Variants in IQSEC1 observed in about 807,000 individuals in gnomAD.
IQSEC1 encodes IQ motif and Sec7 domain ArfGEF 1, also known as IQ motif and SEC7 domain-containing protein 1.
Under a neutral mutation model 91.0 loss-of-function variants are expected in IQSEC1, and 31 were observed. The observed-to-expected ratio is 0.34, with a 90% CI of 0.26 to 0.46. IQSEC1 has a LOEUF of 0.46. IQSEC1 is among the 20% of genes least tolerant of loss of function. The probability of loss-of-function intolerance (pLI) is 1.00; values close to 1 mark genes in which losing one functional copy is unlikely to be tolerated. For missense variants in IQSEC1, 1,388 were observed against 1,575.6 expected (o/e 0.88, Z 2.02); for synonymous variants, 699 against 662.6 (o/e 1.05, Z -0.84).
At chr3:13,058,263 A>G (rs1704945730) in intron 1 of IQSEC1, among the ~76,000 whole-genome samples, 1 of 151,958 alleles carries the variant, frequency 6.6e-6, no homozygotes, top group Non-Finnish European at 1.5e-5. Flanking sequence ...ACAGAGGGAG[A>G]CTCTGTCTCA....
At chr3:13,171,826 C>T (rs1171337589) in intron 1 of IQSEC1, among the ~76,000 whole-genome samples, 5 of 152,210 alleles carry the variant, frequency 3.3e-5, no homozygotes, top group Non-Finnish European at 7.3e-5. Context: ...CAGAGAGCTT[C>T]CTGCCCAGGG....
Position 12,901,194 on chromosome 3 carries a change from T to G in IQSEC1, c.3134A>C (p.His1045Pro). Residue 1045 changes from histidine (H) to proline (P), a missense_variant, in exon 14 of 14, where the codon CAC (histidine) becomes CCC (proline). Coordinates refer to ENST00000613206, the MANE Select transcript of IQSEC1 (RefSeq NM_001134382.3). ...QNPPPYHHHH[H>P]HHPPQHIQHA... ...CTGGATGTGCTGGGGTGGGTGGTGG[T>G]GGTGGTGATGGTGGTACGGGGGAGG... The G allele has an allele frequency of 1.3e-6, 2 of 1,540,800 alleles. No individual in the cohort carries two copies. Among genetic ancestry groups the G allele is most frequent in the Non-Finnish European group, 1.8e-6 (2 of 1,141,242 alleles).
At position 12,940,221 on chromosome 3, in the gene IQSEC1, G is replaced by A. The variant is rs748596555; in HGVS notation, c.318+1350C>T. On this transcript the variant is annotated intron_variant, in intron 2 of 13. Transcript: ENST00000613206. This position sits in a 1 kb window ranked among gnomAD's most constrained non-coding sequence, Gnocchi z 4.4. ...CCGGCCTAAGTTGCAAGGCAGCACC[G>A]ACAGCCAGGTGAGGAAGGGGCTGAT... 1.3e-5 allele frequency among the ~76,000 whole-genome samples: 2 copies of A among 151,944 alleles called. No homozygotes were observed. The highest frequency in any genetic ancestry group is 6.6e-5 in the Admixed American group (1 of 15,248).
chr3:13,051,101 C>T (rs1704675335), intron 1 of IQSEC1, among the ~76,000 whole-genome samples: 1 of 152,158 alleles, frequency 6.6e-6, no homozygotes, highest in Admixed American at 6.5e-5. Context: ...TGCATCGCTT[C>T]CCCTGCTTCA....
At chr3:12,989,228 C>T (rs1020062271) in intron 1 of IQSEC1, among the ~76,000 whole-genome samples, 2 of 152,198 alleles carry the variant, frequency 1.3e-5, no homozygotes, top group Non-Finnish European at 2.9e-5. Context: ...CTCTTTTGCT[C>T]CAGTGGTAAC....
In IQSEC1 at chr3:12,911,638, C is replaced by T. The variant is rs774833863; in HGVS notation, c.2407G>A (p.Glu803Lys). 3 of 1,612,682 alleles carry T rather than the reference C, an allele frequency of 1.9e-6. No individual in the cohort carries two copies. The highest frequency in any genetic ancestry group is 1.3e-5 in the African/African-American group (1 of 74,922). ...CTGGGGGCAGACTTACACTGGTTCT[C>T]GAAGAGCAGGACCTGCATGCCGTAC... is the stretch of plus-strand genomic sequence containing the variant. ...SLYGMQVLLFENQYYPNGIRL... is the reference protein window; with the variant it reads ...SLYGMQVLLFKNQYYPNGIRL... Residue 803 changes from glutamate (E) to lysine (K), a missense_variant, in exon 10 of 14, where the codon GAG becomes AAG. Around this residue, in one of 2 missense-constraint regions of IQSEC1, gnomAD observed 1,059 missense variants for 1,317.8 expected, o/e 0.80. Transcript: ENST00000613206.
intron 1 of IQSEC1, among the ~76,000 whole-genome samples, chr3:13,030,545 TG>T (rs1289105304): frequency 6.6e-6 from 1 of 152,162 alleles, no homozygotes; most frequent in East Asian, 1.9e-4. Context: ...GAACTACAGG[TG>T]ACAGAGGAAT....
chr3:13,137,047 G>A (rs1010628863), intron 2 of IQSEC1, among the ~76,000 whole-genome samples: 9 of 152,158 alleles, frequency 5.9e-5, no homozygotes, highest in African/African-American at 7.2e-5. Flanking sequence ...GAGGCAGGAG[G>A]ATCGCTTTAG....
rs966153313 is a variant in IQSEC1, at chr3:12,979,901, C to T, written c.24-38036G>A. Among the ~76,000 whole-genome samples, 1 of 152,078 alleles carries T rather than the reference C, an allele frequency of 6.6e-6. No individual in the cohort carries two copies. Among genetic ancestry groups the T allele is most frequent in the Non-Finnish European group, 1.5e-5 (1 of 68,036 alleles). ...AACAAGGATCTAAGAATCCATTTTG[C>T]GCAACAAGAAACAGCATACTCAAGC... is the stretch of plus-strand genomic sequence containing the variant. On this transcript the variant is annotated intron_variant, in intron 1 of 13. Coordinates refer to ENST00000613206, the MANE Select transcript of IQSEC1 (RefSeq NM_001134382.3). The surrounding 1 kb of genome is among the most constrained non-coding windows in gnomAD (Gnocchi z 4.3).
chr3:13,002,425 T>C (rs879081925), intron 1 of IQSEC1, among the ~76,000 whole-genome samples: 6 of 152,184 alleles, frequency 3.9e-5, no homozygotes, highest in Admixed American at 3.9e-4. Context: ...CTCATGCCTG[T>C]AATCTCAGCA....
chr3:13,127,207 G>A (rs1401913260), intron 2 of IQSEC1, among the ~76,000 whole-genome samples: 1 of 152,160 alleles, frequency 6.6e-6, no homozygotes, highest in Non-Finnish European at 1.5e-5. Context: ...GAGGTCTGGA[G>A]TTCGAGACCA....
chr3:13,078,958 A>T (rs1024640623), intron 2 of IQSEC1, among the ~76,000 whole-genome samples: 4 of 152,244 alleles, frequency 2.6e-5, no homozygotes, highest in African/African-American at 9.6e-5. Context: ...TTCTATCAGT[A>T]TTGTAAATTG....
At chr3:13,022,526 C>T (rs892826499) in intron 1 of IQSEC1, 5 of 934,228 alleles carry the variant, frequency 5.4e-6, no homozygotes, top group Non-Finnish European at 6.4e-6. Context: ...GCTCAGCTGC[C>T]GGAGCCCAGG....
At chr3:13,110,972 A>G (rs1354051639) in intron 2 of IQSEC1, among the ~76,000 whole-genome samples, 1 of 152,214 alleles carries the variant, frequency 6.6e-6, no homozygotes, top group African/African-American at 2.4e-5. Flanking sequence ...ATAAGAAAAA[A>G]CAGGGTGGTT....
Position 12,967,685 on chromosome 3 carries a change from G to T in IQSEC1, c.24-25820C>A. 8.6e-7 allele frequency: 1 copy of T among 1,158,504 alleles called. No individual in the cohort carries two copies. Among genetic ancestry groups the T allele is most frequent in the Non-Finnish European group, 1.1e-6 (1 of 942,330 alleles). The allele number at this position is 1,158,504 out of a possible 1,614,324, so 71.8% of individuals were successfully genotyped here. ...CAAGCCCGCCCCTCCGCCGCCGCCC[G>T]CTTGGCGCAGCGCGAGGCCGGGCCG... On this transcript the variant is annotated intron_variant, in intron 1 of 13. Transcript: ENST00000613206. This position sits in a 1 kb window ranked among gnomAD's most constrained non-coding sequence, Gnocchi z 5.9.
intron 3 of IQSEC1, among the ~76,000 whole-genome samples, chr3:12,932,619 T>C (rs531836535): frequency 1.2e-4 from 18 of 152,308 alleles, no homozygotes; most frequent in Admixed American, 9.8e-4. Flanking sequence ...TCCCTTCCCT[T>C]GGCACTCTGG....
intron 2 of IQSEC1, among the ~76,000 whole-genome samples, chr3:13,115,528 A>C (rs1489968279): frequency 6.6e-6 from 1 of 152,220 alleles, no homozygotes; most frequent in Non-Finnish European, 1.5e-5. Context: ...CATGGTGGCC[A>C]TGGATGAGTC....
chr3:12,927,852 G>C (rs1190386882), intron 3 of IQSEC1, among the ~76,000 whole-genome samples: 1 of 152,228 alleles, frequency 6.6e-6, no homozygotes, highest in Non-Finnish European at 1.5e-5. Flanking sequence ...AGAGGTGACA[G>C]TGAGGACAAA....
In IQSEC1 at chr3:13,276,080, C is replaced by CTTTTTTTTTTTTTTTTTTT. The variant is rs796663192; in HGVS notation, c.272+6612_272+6630dup. Among the ~76,000 whole-genome samples the CTTTTTTTTTTTTTTTTTTT allele has an allele frequency of 2.5e-5, 2 of 79,524 alleles. 1 individual carries two copies. Among genetic ancestry groups the CTTTTTTTTTTTTTTTTTTT allele is most frequent in the African/African-American group, 8.3e-5 (2 of 24,150 alleles). 52.2% of individuals were successfully genotyped at this position (79,524 alleles called of 152,430 possible). The stretch of plus-strand genomic sequence containing the variant: ...AGGGAAAACAATCCTCAAAAGCATT[C>CTTTTTTTTTTTTTTTTTTT]TTTTTTTTTTTTTTTTTTTTTTTTT... On this transcript the variant is annotated intron_variant, in intron 1 of 15. Transcript: ENST00000648114.
Sources: allele counts gnomAD v4.1 joint callset (sites outside exome capture counted in the v4.1 genomes callset), GRCh38; gene constraint gnomAD v4.1.1; regional missense constraint gnomAD v4.1.1; non-coding constraint Gnocchi (gnomAD v3.1); transcripts MANE v1.5; gene names NCBI Gene and HGNC (gene_info 2026-07-23, HGNC 2026-07-21).